The following NKAIN3 variants were observed in gnomAD, a reference collection of about 807,000 sequenced individuals.
NKAIN3 encodes the protein sodium/potassium-transporting ATPase subunit beta-1-interacting protein 3.
Under a neutral mutation model 30.2 loss-of-function variants are expected in NKAIN3, and 25 were observed. That is an observed-to-expected ratio of 0.83 (90% confidence interval 0.60 to 1.16). The LOEUF (loss-of-function observed/expected upper bound fraction) is 1.16. Ranked by LOEUF, NKAIN3 falls within the 50% of genes most tolerant of loss-of-function variation. The pLI is 0.00. For synonymous variants in NKAIN3, 91 were observed against 89.6 expected (o/e 1.02, Z -0.09); for missense variants, 225 against 254.1 (o/e 0.89, Z 0.78).
At chr8:62,635,755 C>T (rs1306504002) in intron 3 of NKAIN3, among the ~76,000 whole-genome samples, 1 of 152,130 alleles carries the variant, frequency 6.6e-6, no homozygotes, top group Non-Finnish European at 1.5e-5. Flanking sequence ...ACTTTCCAAC[C>T]TCCAGATATG....
intron 2 of NKAIN3, among the ~76,000 whole-genome samples, chr8:62,583,815 G>A (rs1030987798): frequency 5.9e-5 from 9 of 152,134 alleles, no homozygotes; most frequent in East Asian, 3.8e-4. Context: ...TCCAGATTAC[G>A]TCTTATTCTA....
intron 4 of NKAIN3, among the ~76,000 whole-genome samples, chr8:62,807,785 A>G (rs1005119545): frequency 6.7e-6 from 1 of 148,934 alleles, no homozygotes; most frequent in Non-Finnish European, 1.5e-5. Flanking sequence ...TATATAAAAT[A>G]CATACATATA....
intron 3 of NKAIN3, among the ~76,000 whole-genome samples, chr8:62,691,054 G>T (rs1813951204): frequency 6.6e-6 from 1 of 152,304 alleles, no homozygotes; most frequent in Non-Finnish European, 1.5e-5. Flanking sequence ...ACGGGATCAA[G>T]TTGTCCGACT....
chr8:62,325,968 TATTG>T (rs1265537035), intron 1 of NKAIN3, among the ~76,000 whole-genome samples: 1 of 152,048 alleles, frequency 6.6e-6, no homozygotes, highest in Non-Finnish European at 1.5e-5. Flanking sequence ...CTGTTTACTC[TATTG>T]ATTATTTATT....
intron 5 of NKAIN3, among the ~76,000 whole-genome samples, chr8:62,995,510 C>G (rs62508122): frequency 0.19 from 29,628 of 151,978 alleles, 2,992 homozygotes; most frequent in East Asian, 0.41. Flanking sequence ...GTTGTGCTGA[C>G]CTGGGACTAG....
chr8:62,589,314 G>T (rs1411470374), intron 2 of NKAIN3, among the ~76,000 whole-genome samples: 1 of 151,562 alleles, frequency 6.6e-6, no homozygotes. Flanking sequence ...TCAGTCCTAG[G>T]TTTCCATAAA....
intron 3 of NKAIN3, among the ~76,000 whole-genome samples, chr8:62,632,489 A>G (rs934835868): frequency 3.9e-5 from 6 of 152,066 alleles, no homozygotes; most frequent in Non-Finnish European, 7.4e-5. Context: ...ATCTTTTAAG[A>G]TAGTTGATTT....
chr8:62,775,172 C>G (rs1380644997), intron 4 of NKAIN3, among the ~76,000 whole-genome samples: 4 of 152,002 alleles, frequency 2.6e-5, no homozygotes, highest in Admixed American at 6.6e-5. Context: ...TTCTTCTAAA[C>G]TTTCCAATTT....
At chr8:62,789,783 A>G (rs1817642921) in intron 4 of NKAIN3, among the ~76,000 whole-genome samples, 1 of 152,186 alleles carries the variant, frequency 6.6e-6, no homozygotes. Flanking sequence ...ATCTCTGAAT[A>G]AACCAATAAC....
At chr8:62,389,489 G>A (rs1817523522) in intron 1 of NKAIN3, among the ~76,000 whole-genome samples, 1 of 152,190 alleles carries the variant, frequency 6.6e-6, no homozygotes, top group African/African-American at 2.4e-5. Context: ...GGCAGCCTCT[G>A]TCACATCAAG....
chr8:62,930,259 C>T (rs1261713410), intron 5 of NKAIN3, among the ~76,000 whole-genome samples: 2 of 148,394 alleles, frequency 1.3e-5, no homozygotes, highest in African/African-American at 4.9e-5. Flanking sequence ...TCCATTCTAC[C>T]TTTTTTTTTT....
intron 4 of NKAIN3, among the ~76,000 whole-genome samples, chr8:62,878,839 A>T (rs1273766874): frequency 6.6e-6 from 1 of 151,728 alleles, no homozygotes; most frequent in Non-Finnish European, 1.5e-5. Context: ...AAGAACATGA[A>T]CTCATCATTT....
At position 62,591,878 on chromosome 8, in the gene NKAIN3, C is replaced by T. The variant is rs189491514; in HGVS notation, c.273+2084C>T. On this transcript the variant is annotated intron_variant, in intron 3 of 6. Transcript: ENST00000623646. ...AGCAAAGTTAAGGACCCTTGACAAA[C>T]ACAAATACCAGCCACTTTTCCAGGT... 2.8e-4 allele frequency among the ~76,000 whole-genome samples: 43 copies of T among 152,084 alleles called. No homozygotes were observed. The East Asian group carries it at 7.8e-3, about 27-fold the overall frequency.
At chr8:62,760,556 C>T (rs1816620093) in intron 4 of NKAIN3, among the ~76,000 whole-genome samples, 1 of 145,132 alleles carries the variant, frequency 6.9e-6, no homozygotes, top group Admixed American at 7.4e-5. Context: ...TGTTCTCACT[C>T]ATAGGTTGGA....
At chr8:62,731,959 T>A (rs900702963) in intron 3 of NKAIN3, among the ~76,000 whole-genome samples, 4 of 152,150 alleles carry the variant, frequency 2.6e-5, no homozygotes, top group Non-Finnish European at 5.9e-5. Context: ...GATTTCATTT[T>A]TTTTTTTGCC....
intron 4 of NKAIN3, among the ~76,000 whole-genome samples, chr8:62,907,759 C>T (rs952742084): frequency 3.2e-4 from 48 of 152,194 alleles, no homozygotes; most frequent in Admixed American, 3.9e-4. Context: ...AGAACCTCCA[C>T]CTAGATTTCA....
At position 62,650,550 on chromosome 8, in the gene NKAIN3, G is replaced by A. The variant is rs529334446; in HGVS notation, c.273+60756G>A. Among the ~76,000 whole-genome samples, 5 of 152,214 alleles carry A rather than the reference G, an allele frequency of 3.3e-5. No individual in the cohort carries two copies. In the South Asian group the frequency reaches 6.2e-4, roughly 19 times the overall value. ...GTTTTTATTTCTATTCTTCTCGATT[G>A]TACATTCTTTGAGGATGAGATGGGT... On this transcript the variant is annotated intron_variant, in intron 3 of 6. Transcript: ENST00000623646.
intron 5 of NKAIN3, among the ~76,000 whole-genome samples, chr8:62,934,952 G>C (rs1003051409): frequency 6.6e-6 from 1 of 152,134 alleles, no homozygotes; most frequent in African/African-American, 2.4e-5. Context: ...GCCCTGGAGA[G>C]GGGGAAGGAG....
intron 4 of NKAIN3, among the ~76,000 whole-genome samples, chr8:62,773,370 T>G (rs988895139): frequency 2.0e-5 from 3 of 152,158 alleles, no homozygotes; most frequent in African/African-American, 7.2e-5. Flanking sequence ...TCACTGTAGA[T>G]GTATAGATTT....
Sources: allele counts gnomAD v4.1 joint callset (sites outside exome capture counted in the v4.1 genomes callset), GRCh38; gene constraint gnomAD v4.1.1; transcripts MANE v1.5; gene names NCBI Gene and HGNC (gene_info 2026-07-23, HGNC 2026-07-21).